PLCB1: variants seen among roughly 807,000 people sequenced by gnomAD.
PLCB1 encodes phospholipase C beta 1.
Under a neutral mutation model 161.8 loss-of-function variants are expected in PLCB1, and 46 were observed. The ratio of observed to expected loss-of-function variants is 0.28; its 90% CI spans 0.22 to 0.36. The LOEUF (loss-of-function observed/expected upper bound fraction) is 0.36, where lower values mean the gene tolerates loss of function less well. Ranked by LOEUF, PLCB1 falls within the 10% of genes least tolerant of loss-of-function variation. The pLI, the probability that PLCB1 is intolerant of heterozygous loss-of-function variation, is 1.00. For synonymous variants in PLCB1, 517 were observed against 503.7 expected (o/e 1.03, Z -0.35); for missense variants, 1,016 against 1,472.5 (o/e 0.69, Z 5.07).
At chr20:8,320,173 A>G (rs985443469) in intron 2 of PLCB1, among the ~76,000 whole-genome samples, 1 of 152,078 alleles carries the variant, frequency 6.6e-6, no homozygotes, top group African/African-American at 2.4e-5. Flanking sequence ...ATGCTTCTCT[A>G]TATGTTGTTA....
At chr20:8,271,540 T>C (rs779586989) in intron 2 of PLCB1, among the ~76,000 whole-genome samples, 1 of 152,140 alleles carries the variant, frequency 6.6e-6, no homozygotes, top group East Asian at 1.9e-4. Flanking sequence ...TTATTACTTT[T>C]TGAGTCTTTG....
At chr20:8,549,394 G>A (rs1985691985) in intron 3 of PLCB1, among the ~76,000 whole-genome samples, 1 of 152,080 alleles carries the variant, frequency 6.6e-6, no homozygotes, top group Non-Finnish European at 1.5e-5. Flanking sequence ...GGACTGCACA[G>A]TGTTTGCTTT....
At chr20:8,518,428 A>G (rs1468322127) in intron 3 of PLCB1, among the ~76,000 whole-genome samples, 1 of 152,166 alleles carries the variant, frequency 6.6e-6, no homozygotes, top group Non-Finnish European at 1.5e-5. Context: ...GACTGAAGAA[A>G]GAAAACCCTA....
intron 2 of PLCB1, among the ~76,000 whole-genome samples, chr20:8,230,456 A>G (rs1479642424): frequency 1.3e-5 from 2 of 152,162 alleles, no homozygotes; most frequent in Non-Finnish European, 2.9e-5. Flanking sequence ...AACAATATAT[A>G]CAATGTATCA....
chr20:8,284,544 C>T (rs1468553561), intron 2 of PLCB1, among the ~76,000 whole-genome samples: 2 of 152,030 alleles, frequency 1.3e-5, no homozygotes, highest in African/African-American at 4.8e-5. Context: ...TCCAGACCAG[C>T]CTAGACAACA....
At chr20:8,525,513 G>C (rs1019822289) in intron 3 of PLCB1, among the ~76,000 whole-genome samples, 1 of 152,140 alleles carries the variant, frequency 6.6e-6, no homozygotes, top group Non-Finnish European at 1.5e-5. Flanking sequence ...ACTGTACTGA[G>C]GGGACACAAT....
At chr20:8,682,422 A>T (rs1331781366) in intron 9 of PLCB1, among the ~76,000 whole-genome samples, 2 of 152,190 alleles carry the variant, frequency 1.3e-5, no homozygotes, top group East Asian at 3.9e-4. Flanking sequence ...GGATTGCCCG[A>T]GCCCAGGAGG....
chr20:8,359,869 A>G (rs755525643), intron 2 of PLCB1, among the ~76,000 whole-genome samples: 3 of 152,230 alleles, frequency 2.0e-5, no homozygotes, highest in Non-Finnish European at 4.4e-5. Flanking sequence ...ATGAGTTTAA[A>G]AATAGTAATA....
chr20:8,644,823 G>C (rs1052607346), intron 4 of PLCB1, among the ~76,000 whole-genome samples: 1 of 152,160 alleles, frequency 6.6e-6, no homozygotes, highest in African/African-American at 2.4e-5. Flanking sequence ...CCGTCTGGGA[G>C]GTGTACCCAA....
rs757443506 is a variant in PLCB1 at position 8,628,279 on chromosome 20, A to G, written c.247-15A>G. 19 of 1,604,172 alleles carry G rather than the reference A, an allele frequency of 1.2e-5. 1 individual carries two copies. In the South Asian group the frequency reaches 1.9e-4, roughly 16 times the overall value. On this transcript the variant is annotated splice_polypyrimidine_tract_variant and intron_variant, in intron 3 of 31. Coordinates refer to ENST00000338037, the MANE Select transcript of PLCB1 (RefSeq NM_015192.4). ...TCTAGTTATAGACTAATTATTTTCA[A>G]TATTTATTACCCAGGACCCCAAATT...
intron 3 of PLCB1, among the ~76,000 whole-genome samples, chr20:8,446,721 GGTGA>G (rs1285943680): frequency 2.0e-5 from 3 of 152,154 alleles, no homozygotes; most frequent in Non-Finnish European, 4.4e-5. Context: ...GAAAAATCAA[GGTGA>G]GTATTAAAAA....
chr20:8,673,653 G>A (rs750079646), intron 9 of PLCB1, among the ~76,000 whole-genome samples: 26 of 151,952 alleles, frequency 1.7e-4, no homozygotes, highest in Non-Finnish European at 2.4e-4. Context: ...TGTCATTTAC[G>A]GCTGAATTTG....
chr20:8,439,263 C>A (rs938449465), intron 3 of PLCB1, among the ~76,000 whole-genome samples: 2 of 152,138 alleles, frequency 1.3e-5, no homozygotes, highest in Non-Finnish European at 2.9e-5. Flanking sequence ...GGTGCCAAGC[C>A]TCCAGGCATC....
At chr20:8,387,479 A>C (rs1307961848) in intron 3 of PLCB1, among the ~76,000 whole-genome samples, 1 of 152,216 alleles carries the variant, frequency 6.6e-6, no homozygotes, top group Non-Finnish European at 1.5e-5. Flanking sequence ...CTGATGCTCC[A>C]AAACAATTAC....
chr20:8,584,471 T>TAC (rs1342013264), intron 3 of PLCB1, among the ~76,000 whole-genome samples: 4 of 115,098 alleles, frequency 3.5e-5, no homozygotes, highest in Non-Finnish European at 6.9e-5. Context: ...CACACACACA[T>TAC]ACACACACAC....
intron 31 of PLCB1, among the ~76,000 whole-genome samples, chr20:8,804,894 G>A (rs973610809): frequency 6.6e-6 from 1 of 151,496 alleles, no homozygotes; most frequent in Non-Finnish European, 1.5e-5. Context: ...AGGAGGCTGA[G>A]GCTGAGATGA....
Position 8,852,868 on chromosome 20 carries a change from G to A in PLCB1, c.3424-28754G>A, listed in dbSNP as rs145677496. On this transcript the variant is annotated intron_variant, in intron 31 of 31. Transcript: ENST00000338037. ...GATCACATCCAATAGCCCCTGGCTG[G>A]CTCCAGGTGTCATGAAGTGACCTCT... is the stretch of plus-strand genomic sequence containing the variant. Among the ~76,000 whole-genome samples the A allele has an allele frequency of 6.3e-3, 961 of 152,308 alleles. 11 individuals are homozygous for A. Among genetic ancestry groups the A allele is most frequent in the African/African-American group, 0.022 (909 of 41,562 alleles).
intron 2 of PLCB1, among the ~76,000 whole-genome samples, chr20:8,190,871 T>A (rs565712064): frequency 1.1e-4 from 16 of 152,216 alleles, no homozygotes; most frequent in Non-Finnish European, 2.2e-4. Flanking sequence ...CTCAAGTGAA[T>A]GACCGGGTCC....
intron 26 of PLCB1, among the ~76,000 whole-genome samples, chr20:8,773,972 T>TCAA (rs1399084545): frequency 1.3e-5 from 2 of 152,090 alleles, no homozygotes; most frequent in African/African-American, 4.8e-5. Context: ...AGACTCTGTC[T>TCAA]CAACAACAAC....
Sources: allele counts gnomAD v4.1 joint callset (sites outside exome capture counted in the v4.1 genomes callset), GRCh38; gene constraint gnomAD v4.1.1; transcripts MANE v1.5; gene names NCBI Gene and HGNC (gene_info 2026-07-23, HGNC 2026-07-21).